Variants in PKP2 observed in about 807,000 individuals in gnomAD.
PKP2 encodes the protein plakophilin 2, also known as plakophilin-2.
A neutral mutation model predicts 83.4 loss-of-function variants in PKP2; 73 were observed. That is an observed-to-expected ratio of 0.88 (90% CI 0.72 to 1.06). The LOEUF (loss-of-function observed/expected upper bound fraction) is 1.06, where lower values mean the gene tolerates loss of function less well. Ranked by LOEUF, PKP2 falls within the 50% of genes least tolerant of loss-of-function variation. The pLI is 0.00. For missense variants in PKP2, 966 were observed against 1,065.4 expected (o/e 0.91, Z 1.30); for synonymous variants, 409 against 430.4 (o/e 0.95, Z 0.62).
At chr12:32,872,573 C>T (rs1329393498) in intron 3 of PKP2, among the ~76,000 whole-genome samples, 1 of 152,050 alleles carries the variant, frequency 6.6e-6, no homozygotes, top group African/African-American at 2.4e-5. Flanking sequence ...AACTTGTGTG[C>T]GTGTGTAATC....
Position 32,862,371 on chromosome 12 carries a change from G to C in PKP2, c.1170+6556C>G, listed in dbSNP as rs533511473. ...AAAAAAAATTCTTCAGGTAGGCCAG[G>C]CATGGTGGCTCACACCTGCAATCCC... On this transcript the variant is annotated intron_variant, in intron 4 of 12. Transcript: ENST00000340811. Among the ~76,000 whole-genome samples, 9 of 152,326 alleles carry C rather than the reference G, an allele frequency of 5.9e-5. No homozygotes were observed. The East Asian group carries it at 1.7e-3, about 29-fold the overall frequency.
intron 9 of PKP2, among the ~76,000 whole-genome samples, chr12:32,810,170 T>C (rs988943516): frequency 2.0e-5 from 3 of 152,200 alleles, no homozygotes; most frequent in Admixed American, 6.5e-5. Flanking sequence ...TTTTCTGCAG[T>C]GTTAACAATA....
At chr12:32,824,438 C>G in intron 6 of PKP2, 1 of 419,546 alleles carries the variant, frequency 2.4e-6, no homozygotes, top group South Asian at 2.3e-5. Flanking sequence ...AATCTTCACT[C>G]CATTTTGAGT....
intron 9 of PKP2, 127 bp downstream of exon 9, chr12:32,821,229 C>T: frequency 2.2e-6 from 2 of 894,478 alleles, no homozygotes; most frequent in East Asian, 2.6e-5. Flanking sequence ...TCTGTAATTT[C>T]TGAGAATTGT....
intron 4 of PKP2, among the ~76,000 whole-genome samples, chr12:32,862,267 G>T (rs1194048937): frequency 6.6e-6 from 1 of 152,152 alleles, no homozygotes; most frequent in Non-Finnish European, 1.5e-5. Flanking sequence ...CCTTTCAAAA[G>T]CAAAGATGAA....
intron 4 of PKP2, among the ~76,000 whole-genome samples, chr12:32,852,753 T>C (rs532769076): frequency 1.3e-5 from 2 of 152,232 alleles, no homozygotes; most frequent in Admixed American, 6.5e-5. Context: ...AGCAATTTTG[T>C]TGGACTGTGT....
chr12:32,866,509 C>T (rs371128131), intron 4 of PKP2, among the ~76,000 whole-genome samples: 7 of 137,988 alleles, frequency 5.1e-5, no homozygotes, highest in African/African-American at 1.6e-4. Flanking sequence ...CAAAATTGTG[C>T]CACTGCACTC....
chr12:32,868,705 TAG>T (rs969116206), intron 4 of PKP2, among the ~76,000 whole-genome samples: 3 of 152,122 alleles, frequency 2.0e-5, no homozygotes, highest in African/African-American at 7.2e-5. Context: ...GTATTTTTAG[TAG>T]AGACAGGGGT....
At position 32,896,683 on chromosome 12, in the gene PKP2, G is replaced by A; in HGVS notation, c.49C>T (p.Leu17=). ...AGTTGTCCCAGGATCTGCTGGCCCA[G>A]GACGGTCCGGATGTAGCCGTACTCA... is the stretch of plus-strand genomic sequence containing the variant. ...PAEYGYIRTV[L]GQQILGQLDS... The change falls in exon 1 of 13, where the codon CTG becomes TTG. Residue 17 remains leucine, a synonymous_variant. Coordinates refer to ENST00000340811, the MANE Select transcript of PKP2 (RefSeq NM_001005242.3). 6.5e-7 allele frequency: 1 copy of A among 1,542,732 alleles called. No homozygotes were observed. Among genetic ancestry groups the A allele is most frequent in the South Asian group, 1.2e-5 (1 of 84,122 alleles).
chr12:32,824,758 C>T (rs1956419861), intron 6 of PKP2, among the ~76,000 whole-genome samples: 2 of 152,178 alleles, frequency 1.3e-5, no homozygotes, highest in African/African-American at 4.8e-5. Flanking sequence ...TGTAAGGCTT[C>T]AGTCAAAAGT....
chr12:32,891,527 G>A (rs1957075139), intron 1 of PKP2, among the ~76,000 whole-genome samples: 1 of 152,114 alleles, frequency 6.6e-6, no homozygotes. Context: ...AGAAAAAACT[G>A]TAAAGTTGCT....
In PKP2 at chr12:32,792,506, A is replaced by G. The variant is rs1025667336; in HGVS notation, c.2446-14T>C. 1.2e-6 allele frequency: 2 copies of G among 1,611,936 alleles called. No homozygotes were observed. The highest frequency in any genetic ancestry group is 8.5e-7 in the Non-Finnish European group (1 of 1,177,964). ...CTTAAACTGAGCCTTTGGAATAAGC[A>G]AACAGAAACGTGAAAGGTAACAAAA... On this transcript the variant is annotated splice_polypyrimidine_tract_variant and intron_variant, in intron 12 of 12. Coordinates refer to ENST00000340811, the MANE Select transcript of PKP2 (RefSeq NM_001005242.3).
chr12:32,869,680 T>C (rs982199523), intron 3 of PKP2, among the ~76,000 whole-genome samples: 5 of 151,094 alleles, frequency 3.3e-5, no homozygotes, highest in African/African-American at 1.2e-4. Context: ...AAAGGCACAA[T>C]AAGACTTTTA....
intron 4 of PKP2, among the ~76,000 whole-genome samples, chr12:32,852,260 C>A (rs1004319110): frequency 6.6e-6 from 1 of 152,136 alleles, no homozygotes; most frequent in Non-Finnish European, 1.5e-5. Flanking sequence ...GGAAGGACAC[C>A]CTAACTACCA....
Position 32,792,485 on chromosome 12 carries a change from A to G in PKP2, c.2453T>C (p.Phe818Ser). 6.2e-7 allele frequency: 1 copy of G among 1,613,668 alleles called. No individual in the cohort carries two copies. The highest frequency in any genetic ancestry group is 8.5e-7 in the Non-Finnish European group (1 of 1,179,578). ...ELHHAYKKAQ[F>S]KKTDFVNSRT... ...GCTGTTGACAAAATCTGTCTTCTTA[A>G]ACTGAGCCTTTGGAATAAGCAAACA... The change falls in exon 13 of 13, where the codon TTT becomes TCT. Residue 818 changes from phenylalanine to serine, a missense_variant. Phe to Ser is a radical substitution (Grantham distance 155, BLOSUM62 -2). Transcript: ENST00000340811.
intron 7 of PKP2, among the ~76,000 whole-genome samples, 173 bp from the exon 8 acceptor site, chr12:32,822,804 T>A (rs1956395081): frequency 6.6e-6 from 1 of 152,202 alleles, no homozygotes; most frequent in South Asian, 2.1e-4. Flanking sequence ...AGCTAAGGTT[T>A]TCATGAACAG....
chr12:32,822,754 G>A, intron 7 of PKP2, 123 bp from the exon 8 acceptor site: 1 of 1,037,956 alleles, frequency 9.6e-7, no homozygotes. Flanking sequence ...TGCTTAAACT[G>A]CGGGTTGCCT....
At chr12:32,856,022 A>C (rs1956744905) in intron 4 of PKP2, among the ~76,000 whole-genome samples, 1 of 152,168 alleles carries the variant, frequency 6.6e-6, no homozygotes, top group Non-Finnish European at 1.5e-5. Context: ...ATATGTAAGT[A>C]TATGCATTAA....
intron 1 of PKP2, among the ~76,000 whole-genome samples, chr12:32,886,614 G>T (rs1458622957): frequency 6.6e-6 from 1 of 152,124 alleles, no homozygotes; most frequent in Non-Finnish European, 1.5e-5. Context: ...TTTCCAAGAA[G>T]AACAACCAGA....
Sources: gnomAD v4.1 joint callset for allele counts (sites outside exome capture counted in the v4.1 genomes callset) on GRCh38, gnomAD v4.1.1 for gene constraint, MANE v1.5 for transcripts, NCBI Gene and HGNC (gene_info 2026-07-23, HGNC 2026-07-21) for gene names.